Variants in SRRM1 observed in about 807,000 individuals in gnomAD.
SRRM1 encodes serine and arginine repetitive matrix 1, also known as serine/arginine repetitive matrix protein 1.
Under a neutral mutation model 110.2 loss-of-function variants are expected in SRRM1, and 19 were observed. The observed-to-expected ratio is 0.17, with a 90% CI of 0.12 to 0.25. The LOEUF is 0.25. Ranked by LOEUF, SRRM1 falls within the 10% of genes least tolerant of loss-of-function variation. The probability of loss-of-function intolerance (pLI) is 1.00; values close to 1 mark genes in which losing one functional copy is unlikely to be tolerated. For missense variants in SRRM1, 918 were observed against 1,145.8 expected (o/e 0.80, Z 2.87); for synonymous variants, 443 against 414.9 (o/e 1.07, Z -0.82).
Position 24,643,486 on chromosome 1 carries a change from C to T in SRRM1, c.21+139C>T, listed in dbSNP as rs1030921040. The T allele has an allele frequency of 7.9e-5, 39 of 496,340 alleles. 1 individual carries two copies. The highest frequency in any genetic ancestry group is 1.3e-4 in the African/African-American group (4 of 31,898). The allele number at this position is 496,340 out of a possible 1,614,324, so 30.7% of individuals were successfully genotyped here. A position where few individuals can be genotyped will look rare whatever the true frequency, so the allele number is the denominator to read the frequency against. On this transcript the variant is annotated intron_variant, in intron 1 of 16. Coordinates refer to ENST00000323848, the MANE Select transcript of SRRM1 (RefSeq NM_005839.4). ...GATTCCTCCTAGAGCCGGCGCACCC[C>T]CCCCCCCCCCGTGCGCTGCGGCGGA...
intron 13 of SRRM1, among the ~76,000 whole-genome samples, chr1:24,668,701 A>C (rs768613495): frequency 5.3e-5 from 8 of 152,188 alleles, no homozygotes; most frequent in Non-Finnish European, 1.2e-4. Context: ...AGACCTCTTT[A>C]AAGTGCAGAC....
chr1:24,666,924 A>G lies in SRRM1; in HGVS notation c.1738A>G (p.Arg580Gly). The change falls in exon 13 of 17, where the codon AGG becomes GGG. Residue 580 changes from arginine to glycine, a missense_variant and splice_region_variant. Physicochemically the swap from Arg to Gly is moderately radical, Grantham distance 125 (BLOSUM62 -2). This residue lies in a region of SRRM1 where 357 missense variants were observed against 402.9 expected (regional missense o/e 0.89). Transcript: ENST00000323848. ...RRTPTPPPRRRTPSPPPRRRS... is the reference protein window; with the variant it reads ...RRTPTPPPRRGTPSPPPRRRS... Reference sequence around the variant, plus strand: ...GACTCCCACACCACCACCACGACGAAGGTACTTTGTCAAATATGCTAACTG... The same window carrying G: ...GACTCCCACACCACCACCACGACGAGGGTACTTTGTCAAATATGCTAACTG... The G allele has an allele frequency of 6.3e-7, 1 of 1,599,926 alleles. No individual in the cohort carries two copies. Among genetic ancestry groups the G allele is most frequent in the African/African-American group, 1.4e-5 (1 of 73,954 alleles).
chr1:24,668,581 A>G (rs1671211482), intron 13 of SRRM1, among the ~76,000 whole-genome samples: 1 of 152,210 alleles, frequency 6.6e-6, no homozygotes, highest in South Asian at 2.1e-4. Context: ...GAGACAGAAA[A>G]TGGAACAGTC....
intron 13 of SRRM1, among the ~76,000 whole-genome samples, chr1:24,667,962 A>ACC (rs1670812328): frequency 9.8e-6 from 1 of 102,000 alleles, no homozygotes; most frequent in Non-Finnish European, 1.9e-5. Flanking sequence ...ACATGCTGCC[A>ACC]CTCTTTTTTT....
chr1:24,668,426 G>C (rs1671126333), intron 13 of SRRM1, among the ~76,000 whole-genome samples: 1 of 152,324 alleles, frequency 6.6e-6, no homozygotes, highest in South Asian at 2.1e-4. Context: ...TAATTACCCA[G>C]ATACAGTGAT....
chr1:24,665,509 A>G (rs1436642513), intron 12 of SRRM1, among the ~76,000 whole-genome samples: 1 of 151,844 alleles, frequency 6.6e-6, no homozygotes, highest in African/African-American at 2.4e-5. Flanking sequence ...GTCAGGAGAT[A>G]AAGACCATCC....
chr1:24,643,313 A>G lies in SRRM1; in HGVS notation c.-14A>G. ...ACCCTGGGATAGGGAGCGATCTCCG[A>G]GCGAGGCGGCAAGATGGACGCGGGA... On this transcript the variant is annotated 5_prime_UTR_variant, in exon 1 of 17. Coordinates refer to ENST00000323848, the MANE Select transcript of SRRM1 (RefSeq NM_005839.4). 1 of 1,564,490 alleles carries G rather than the reference A, an allele frequency of 6.4e-7. No homozygotes were observed. The highest frequency in any genetic ancestry group is 8.6e-7 in the Non-Finnish European group (1 of 1,159,780).
At chr1:24,647,448 T>C (rs373922325) in intron 3 of SRRM1, 1 of 152,512 alleles carries the variant, frequency 6.6e-6, no homozygotes, top group East Asian at 1.9e-4. Context: ...TTGTTTATAC[T>C]TAAACTTCAG....
chr1:24,652,068 A>ATG (rs1661261200), intron 6 of SRRM1, among the ~76,000 whole-genome samples: 1 of 139,422 alleles, frequency 7.2e-6, no homozygotes, highest in African/African-American at 2.6e-5. Context: ...ATATATGTAC[A>ATG]CACACACACA....
intron 5 of SRRM1, among the ~76,000 whole-genome samples, chr1:24,650,304 T>A (rs1659881762): frequency 6.6e-6 from 1 of 152,260 alleles, no homozygotes; most frequent in Non-Finnish European, 1.5e-5. Context: ...GTTCATAAAT[T>A]ATCCAACTCT....
At position 24,669,418 on chromosome 1, in the gene SRRM1, A is replaced by G; in HGVS notation, c.2035A>G (p.Asn679Asp). ...CCGGGAGGCCCGATCACCACAACCAAACAAACGGCATTCGCCCTCACCACG... is the reference window on the plus strand; with the variant it reads ...CCGGGAGGCCCGATCACCACAACCAGACAAACGGCATTCGCCCTCACCACG... ...STREARSPQP[N>D]KRHSPSPRPR... is the part of the protein sequence containing the mutation. The change falls in exon 14 of 17, where the codon AAC becomes GAC. Residue 679 changes from asparagine to aspartate, a missense_variant. Transcript: ENST00000323848. The G allele has an allele frequency of 1.9e-6, 3 of 1,614,064 alleles. No homozygotes were observed. The highest frequency in any genetic ancestry group is 2.5e-6 in the Non-Finnish European group (3 of 1,180,014).
chr1:24,665,123 G>A (rs945547891), intron 12 of SRRM1, among the ~76,000 whole-genome samples: 4 of 152,082 alleles, frequency 2.6e-5, no homozygotes, highest in East Asian at 1.9e-4. Flanking sequence ...CTTCAGTATC[G>A]TATTTTAGAA....
chr1:24,651,698 T>A, intron 6 of SRRM1, 86 bp downstream of exon 6: 1 of 1,054,400 alleles, frequency 9.5e-7, no homozygotes, highest in Admixed American at 2.4e-5. Context: ...AAAATAAAAC[T>A]ACTTATTTTC....
At chr1:24,645,119 C>T (rs898089003) in intron 1 of SRRM1, among the ~76,000 whole-genome samples, 1 of 152,158 alleles carries the variant, frequency 6.6e-6, no homozygotes, top group Non-Finnish European at 1.5e-5. Context: ...TATGTTATTT[C>T]TGGTATGTAC....
chr1:24,646,653 C>T lies in SRRM1; in HGVS notation c.112-14C>T. The T allele has an allele frequency of 1.9e-6, 3 of 1,567,790 alleles. No homozygotes were observed. The highest frequency in any genetic ancestry group is 2.6e-6 in the Non-Finnish European group (3 of 1,163,608). On this transcript the variant is annotated splice_polypyrimidine_tract_variant and intron_variant, in intron 2 of 16. Coordinates refer to ENST00000323848, the MANE Select transcript of SRRM1 (RefSeq NM_005839.4). ...ATTGTGAAGTTGTACTTAATTGTTT[C>T]TATGTTTCATCAGGTGGACATGAGC...
At position 24,670,130 on chromosome 1, in the gene SRRM1, C is replaced by T; in HGVS notation, c.2215C>T (p.Pro739Ser). ...EPKKIKKAAS[P>S]SPQSVRRVSS... ...TTCCTTTTTGTCTAGGGCTGCTTCCCCAAGCCCACAGTCTGTAAGAAGGGT... is the reference window on the plus strand; with the variant it reads ...TTCCTTTTTGTCTAGGGCTGCTTCCTCAAGCCCACAGTCTGTAAGAAGGGT... The change falls in exon 15 of 17, where the codon CCA becomes TCA. Residue 739 changes from proline (P) to serine (S), a missense_variant. Physicochemically the swap from Pro to Ser is moderately conservative, Grantham distance 74. Around this residue, in one of 5 missense-constraint regions of SRRM1, gnomAD observed 357 missense variants for 402.9 expected, o/e 0.89. Coordinates refer to ENST00000323848, the MANE Select transcript of SRRM1 (RefSeq NM_005839.4). The T allele has an allele frequency of 6.3e-7, 1 of 1,581,844 alleles. No individual in the cohort carries two copies. The highest frequency in any genetic ancestry group is 8.6e-7 in the Non-Finnish European group (1 of 1,167,904).
intron 12 of SRRM1, among the ~76,000 whole-genome samples, chr1:24,666,024 C>T (rs1356697374): frequency 6.6e-6 from 1 of 152,142 alleles, no homozygotes; most frequent in African/African-American, 2.4e-5. Flanking sequence ...ATTAGAGTCT[C>T]TAAAGCAGTT....
chr1:24,670,369 T>C, intron 15 of SRRM1, 54 bp downstream of exon 15: 1 of 1,476,728 alleles, frequency 6.8e-7, no homozygotes, highest in Non-Finnish European at 9.1e-7. Flanking sequence ...TATGGTCACT[T>C]TGAAGCAGAG....
intron 1 of SRRM1, 134 bp downstream of exon 1, chr1:24,643,481 C>G: frequency 2.1e-6 from 1 of 485,390 alleles, no homozygotes; most frequent in Admixed American, 7.1e-5. Flanking sequence ...AGAGCCGGCG[C>G]ACCCCCCCCC....
Sources: gnomAD v4.1 joint callset for allele counts (sites outside exome capture counted in the v4.1 genomes callset) on GRCh38, gnomAD v4.1.1 for gene constraint, gnomAD v4.1.1 regional missense constraint, MANE v1.5 for transcripts, NCBI Gene and HGNC (gene_info 2026-07-23, HGNC 2026-07-21) for gene names.